Variants in CACNA2D1 observed in about 807,000 individuals in gnomAD.
CACNA2D1 encodes voltage-dependent calcium channel subunit alpha-2/delta-1.
Under a neutral mutation model 171.5 loss-of-function variants are expected in CACNA2D1, and 53 were observed. The ratio of observed to expected loss-of-function variants is 0.31; its 90% confidence interval spans 0.25 to 0.39. The LOEUF (loss-of-function observed/expected upper bound fraction) is 0.39, where lower values mean the gene tolerates loss of function less well. Among genes scored for constraint, CACNA2D1 ranks in the 10% least tolerant of loss-of-function variants. CACNA2D1 has a pLI of 1.00. For synonymous variants in CACNA2D1, 442 were observed against 443.1 expected (o/e 1.00, Z 0.03); for missense variants, 903 against 1,299.8 (o/e 0.69, Z 4.69).
At chr7:82,052,379 A>G (rs1236363631) in intron 10 of CACNA2D1, among the ~76,000 whole-genome samples, 4 of 152,118 alleles carry the variant, frequency 2.6e-5, no homozygotes, top group Non-Finnish European at 4.4e-5. Context: ...CACACATACA[A>G]CTTGACATTA....
chr7:82,170,618 CA>C lies in CACNA2D1; in HGVS notation c.295-10del, dbSNP rs1376017632. ...GCTTCCAATGCCAGGCGCTGAAAAA[CA>C]AACAATAAATCTTAGAATTCAAATG... On this transcript the variant is annotated splice_polypyrimidine_tract_variant and intron_variant, in intron 3 of 38. Transcript: ENST00000356860. 6.2e-7 allele frequency: 1 copy of C among 1,611,556 alleles called. No individual in the cohort carries two copies. The highest frequency in any genetic ancestry group is 8.5e-7 in the Non-Finnish European group (1 of 1,178,372).
intron 1 of CACNA2D1, among the ~76,000 whole-genome samples, chr7:82,361,648 A>G (rs1398012063): frequency 6.6e-6 from 1 of 152,162 alleles, no homozygotes; most frequent in Admixed American, 6.5e-5. Flanking sequence ...TAGGCAGAAA[A>G]AGCACTTTGT....
intron 7 of CACNA2D1, among the ~76,000 whole-genome samples, chr7:82,084,417 C>A (rs1019776570): frequency 9.2e-5 from 14 of 152,124 alleles, no homozygotes; most frequent in Admixed American, 7.2e-4. Context: ...CAATTCAATT[C>A]TCTAATGTGA....
intron 3 of CACNA2D1, among the ~76,000 whole-genome samples, chr7:82,209,861 TG>T (rs1800387731): frequency 6.6e-6 from 1 of 152,194 alleles, no homozygotes; most frequent in African/African-American, 2.4e-5. Flanking sequence ...AGTATATTTT[TG>T]GTACTTTCAG....
intron 1 of CACNA2D1, 76 bp downstream of exon 1, chr7:82,443,289 A>G: frequency 7.9e-7 from 1 of 1,270,660 alleles, no homozygotes; most frequent in Non-Finnish European, 1.1e-6. Flanking sequence ...AAGCCCCGCG[A>G]CTCGGGAACC....
At chr7:82,103,103 T>G (rs1812884998) in intron 6 of CACNA2D1, among the ~76,000 whole-genome samples, 2 of 151,946 alleles carry the variant, frequency 1.3e-5, no homozygotes, top group Admixed American at 6.6e-5. Flanking sequence ...AGGGCACGAG[T>G]TCGAGACCAG....
intron 1 of CACNA2D1, among the ~76,000 whole-genome samples, chr7:82,407,079 C>T (rs1003618509): frequency 6.6e-6 from 1 of 152,156 alleles, no homozygotes; most frequent in African/African-American, 2.4e-5. Flanking sequence ...TTCTGTCCCA[C>T]CAAAGAATGT....
chr7:81,956,323 A>AGAGCAATACTTACATATTTTT (rs1183082023), intron 38 of CACNA2D1, among the ~76,000 whole-genome samples: 1 of 152,100 alleles, frequency 6.6e-6, no homozygotes, highest in African/African-American at 2.4e-5. Flanking sequence ...GGCCTACTCA[A>AGAGCAATACTTACATATTTTT]GAGCAATACT....
intron 4 of CACNA2D1, among the ~76,000 whole-genome samples, chr7:82,166,573 GA>G (rs1270389419): frequency 6.6e-6 from 1 of 152,002 alleles, no homozygotes; most frequent in Non-Finnish European, 1.5e-5. Context: ...AATGCAATTG[GA>G]AAAGATCTGT....
At chr7:82,249,205 A>G (rs966941246) in intron 3 of CACNA2D1, among the ~76,000 whole-genome samples, 2 of 152,164 alleles carry the variant, frequency 1.3e-5, no homozygotes, top group African/African-American at 4.8e-5. Context: ...CATACTCAGT[A>G]GATGTAACCG....
At chr7:82,220,882 G>T (rs375250365) in intron 3 of CACNA2D1, among the ~76,000 whole-genome samples, 1 of 150,500 alleles carries the variant, frequency 6.6e-6, no homozygotes, top group Admixed American at 6.7e-5. Context: ...AGGTTAAAGC[G>T]ATTCTCATGC....
At chr7:82,378,960 T>C (rs1239438240) in intron 1 of CACNA2D1, among the ~76,000 whole-genome samples, 2 of 151,176 alleles carry the variant, frequency 1.3e-5, no homozygotes, top group Non-Finnish European at 3.0e-5. Flanking sequence ...TGTGTGTGTG[T>C]GTGTGTGTGT....
At chr7:82,081,580 T>C (rs1484321993) in intron 7 of CACNA2D1, among the ~76,000 whole-genome samples, 1 of 152,184 alleles carries the variant, frequency 6.6e-6, no homozygotes, top group East Asian at 1.9e-4. Context: ...TGGTGAGTCA[T>C]TTTGCTTGCC....
intron 3 of CACNA2D1, among the ~76,000 whole-genome samples, chr7:82,281,795 A>T (rs910636282): frequency 7.1e-6 from 1 of 141,394 alleles, no homozygotes; most frequent in Non-Finnish European, 1.6e-5. Context: ...ATGATTTATA[A>T]ATTTAAAATA....
chr7:82,187,854 G>T (rs1797918354), intron 3 of CACNA2D1, among the ~76,000 whole-genome samples: 1 of 152,088 alleles, frequency 6.6e-6, no homozygotes, highest in Non-Finnish European at 1.5e-5. Context: ...CAAGATCAAG[G>T]CATTGGCAGA....
chr7:82,222,301 C>A (rs911545418), intron 3 of CACNA2D1, among the ~76,000 whole-genome samples: 1 of 152,174 alleles, frequency 6.6e-6, no homozygotes, highest in South Asian at 2.1e-4. Context: ...AGAAGCTGAT[C>A]TGATCCACAG....
intron 6 of CACNA2D1, among the ~76,000 whole-genome samples, chr7:82,116,557 T>C (rs1789065444): frequency 6.6e-6 from 1 of 152,048 alleles, no homozygotes. Context: ...ACCTATATCC[T>C]AGGGTAAGGC....
intron 1 of CACNA2D1, among the ~76,000 whole-genome samples, chr7:82,441,972 T>A (rs1382179600): frequency 6.6e-6 from 1 of 152,208 alleles, no homozygotes; most frequent in Non-Finnish European, 1.5e-5. Flanking sequence ...GACTGGAACA[T>A]CCTGCCAATT....
chr7:82,302,497 C>T (rs1408289654), intron 3 of CACNA2D1, among the ~76,000 whole-genome samples: 1 of 151,614 alleles, frequency 6.6e-6, no homozygotes, highest in Non-Finnish European at 1.5e-5. Flanking sequence ...GGCTGGCGAC[C>T]TCTGCCTCCC....
Sources: gnomAD v4.1 joint callset for allele counts (sites outside exome capture counted in the v4.1 genomes callset) on GRCh38, gnomAD v4.1.1 for gene constraint, MANE v1.5 for transcripts, NCBI Gene and HGNC (gene_info 2026-07-23, HGNC 2026-07-21) for gene names.